Variants in PRRX2 observed in about 807,000 individuals in gnomAD.
The protein encoded by PRRX2 is paired related homeobox 2.
A neutral mutation model predicts 18.0 loss-of-function variants in PRRX2; 11 were observed. That is an observed-to-expected ratio of 0.61 (90% CI 0.39 to 1.01). PRRX2 has a LOEUF of 1.01. Among genes scored for constraint, PRRX2 ranks in the 50% least tolerant of loss-of-function variants. PRRX2 has a pLI of 0.01. For synonymous variants in PRRX2, 177 were observed against 154.8 expected (o/e 1.14, Z -1.06); for missense variants, 387 against 351.0 (o/e 1.10, Z -0.82).
Position 129,707,651 on chromosome 9 carries a change from T to A in PRRX2, c.260-11580T>A, listed in dbSNP as rs534859419. Among the ~76,000 whole-genome samples, 4 of 151,690 alleles carry A rather than the reference T, an allele frequency of 2.6e-5. No homozygotes were observed. In the East Asian group the frequency reaches 7.9e-4, roughly 30 times the overall value. On this transcript the variant is annotated intron_variant, in intron 1 of 3. Transcript: ENST00000372469. ...ACTAAAAATACAAAAATTAACCCGG[T>A]ACGGTGATGTGCGCCTGTAGTCCCA...
In PRRX2 at chr9:129,708,255, C is replaced by G. The variant is rs189044994; in HGVS notation, c.260-10976C>G. ...TTCACCATGTTGGTCAGGCTGGTCT[C>G]GAACTCCTGACCTCAAGCAGTCCAC... is the stretch of plus-strand genomic sequence containing the variant. On this transcript the variant is annotated intron_variant, in intron 1 of 3. Transcript: ENST00000372469. Among the ~76,000 whole-genome samples the G allele has an allele frequency of 8.2e-3, 1,246 of 152,238 alleles. 15 individuals carry two copies. Among genetic ancestry groups the G allele is most frequent in the African/African-American group, 0.029 (1,202 of 41,522 alleles).
At position 129,680,412 on chromosome 9, in the gene PRRX2, AAAAAG is replaced by A. The variant is rs903433289; in HGVS notation, c.259+14302_259+14306del. On this transcript the variant is annotated intron_variant, in intron 1 of 3. Coordinates refer to ENST00000372469, the MANE Select transcript of PRRX2 (RefSeq NM_016307.4). ...CGAGACTCCGTCTCAAAAAAAAAAA[AAAAAG>A]AAAAGAAAAGAAAAGGAAAAATAAC... Among the ~76,000 whole-genome samples, 323 of 134,428 alleles carry A rather than the reference AAAAAG, an allele frequency of 2.4e-3. 1 individual carries two copies. The highest frequency in any genetic ancestry group is 4.5e-3 in the Middle Eastern group (1 of 220). 88.2% of individuals were successfully genotyped at this position (134,428 alleles called of 152,430 possible). A position where few individuals can be genotyped will look rare whatever the true frequency, so the allele number is the denominator to read the frequency against.
chr9:129,666,437 A>G (rs867199004), intron 1 of PRRX2, among the ~76,000 whole-genome samples: 89 of 152,264 alleles, frequency 5.8e-4, no homozygotes, highest in African/African-American at 2.1e-3. Flanking sequence ...CTGGGGAAAC[A>G]GAGACCTGAG....
rs549341778 is a variant in PRRX2, at chr9:129,680,245, T to C, written c.259+14119T>C. Among the ~76,000 whole-genome samples the C allele has an allele frequency of 4.0e-5, 6 of 151,520 alleles. No individual in the cohort carries two copies. The East Asian group carries it at 1.2e-3, about 30-fold the overall frequency. On this transcript the variant is annotated intron_variant, in intron 1 of 3. Coordinates refer to ENST00000372469, the MANE Select transcript of PRRX2 (RefSeq NM_016307.4). ...GGTGAAGCCCCATCTCTACTAAAAA[T>C]ACGAAGTTAGCTGGGCGTGGTGGCG...
chr9:129,685,338 A>G (rs1021176258), intron 1 of PRRX2, among the ~76,000 whole-genome samples: 8 of 152,192 alleles, frequency 5.3e-5, no homozygotes, highest in Non-Finnish European at 7.4e-5. Context: ...GGCAGTCCAC[A>G]TTTCACTCAC....
chr9:129,712,935 GC>G (rs1280083563), intron 1 of PRRX2: 2 of 152,222 alleles, frequency 1.3e-5, no homozygotes, highest in African/African-American at 4.8e-5. Flanking sequence ...TTTCCTAAAT[GC>G]TTTAAGCCCA....
chr9:129,718,703 T>A (rs1369219097), intron 1 of PRRX2: 1 of 152,404 alleles, frequency 6.6e-6, no homozygotes, highest in East Asian at 1.9e-4. Flanking sequence ...TCTTTAGGGC[T>A]CCTGGGAGCT....
chr9:129,679,273 G>A (rs573219819), intron 1 of PRRX2, among the ~76,000 whole-genome samples: 2 of 152,330 alleles, frequency 1.3e-5, no homozygotes, highest in East Asian at 3.9e-4. Flanking sequence ...CTTGAATCCT[G>A]TATTCCACAA....
intron 1 of PRRX2, among the ~76,000 whole-genome samples, chr9:129,713,426 TGACGTGAGGC>T (rs1832657082): frequency 6.6e-6 from 1 of 151,956 alleles, no homozygotes; most frequent in Non-Finnish European, 1.5e-5. Flanking sequence ...GACGAAGAGG[TGACGTGAGGC>T]TGGAGGCCTC....
chr9:129,683,868 C>G (rs1832263674), intron 1 of PRRX2, among the ~76,000 whole-genome samples: 1 of 152,204 alleles, frequency 6.6e-6, no homozygotes, highest in Admixed American at 6.5e-5. Flanking sequence ...CAGCCAGCAC[C>G]TGCAGAGGTA....
chr9:129,683,399 C>T (rs1832258102), intron 1 of PRRX2, among the ~76,000 whole-genome samples: 2 of 152,222 alleles, frequency 1.3e-5, no homozygotes, highest in Admixed American at 1.3e-4. Context: ...TGGGCACACA[C>T]CCACCTGCCA....
chr9:129,699,508 T>C (rs1832469704), intron 1 of PRRX2, among the ~76,000 whole-genome samples: 1 of 151,724 alleles, frequency 6.6e-6, no homozygotes, highest in South Asian at 2.1e-4. Context: ...TTTCTGCAGA[T>C]AGGAGGGTCC....
At chr9:129,667,667 C>T (rs560433567) in intron 1 of PRRX2, among the ~76,000 whole-genome samples, 3 of 152,142 alleles carry the variant, frequency 2.0e-5, no homozygotes, top group South Asian at 4.1e-4. Flanking sequence ...GGCCAGGGGA[C>T]GGCCTGCCCA....
At chr9:129,714,154 A>G (rs1189545668) in intron 1 of PRRX2, among the ~76,000 whole-genome samples, 1 of 151,520 alleles carries the variant, frequency 6.6e-6, no homozygotes, top group Non-Finnish European at 1.5e-5. Context: ...AATACAAAAA[A>G]AATTAGCCAG....
chr9:129,678,605 C>G (rs1416833465), intron 1 of PRRX2, among the ~76,000 whole-genome samples: 1 of 152,150 alleles, frequency 6.6e-6, no homozygotes, highest in Non-Finnish European at 1.5e-5. Context: ...GAGGAAACAG[C>G]AGACGGAAAG....
intron 1 of PRRX2, among the ~76,000 whole-genome samples, chr9:129,693,656 CT>C (rs1588168084): frequency 6.6e-6 from 1 of 151,238 alleles, no homozygotes; most frequent in East Asian, 1.9e-4. Context: ...GCCATCATTA[CT>C]GGTTAATACA....
intron 3 of PRRX2, 118 bp downstream of exon 3, chr9:129,720,892 T>A: frequency 8.5e-7 from 1 of 1,179,458 alleles, no homozygotes; most frequent in Non-Finnish European, 1.1e-6. Flanking sequence ...CACGCGCCCC[T>A]GGGATCTGGG....
intron 1 of PRRX2, among the ~76,000 whole-genome samples, chr9:129,708,093 G>A (rs1832579026): frequency 6.6e-6 from 1 of 152,124 alleles, no homozygotes; most frequent in African/African-American, 2.4e-5. Context: ...CTAGAGTGCA[G>A]TGCGTGATCT....
At chr9:129,707,145 A>G (rs1236554562) in intron 1 of PRRX2, among the ~76,000 whole-genome samples, 2 of 152,130 alleles carry the variant, frequency 1.3e-5, no homozygotes, top group African/African-American at 2.4e-5. Context: ...AATCTCAGCT[A>G]CTTGGGAAGC....
Sources: gnomAD v4.1 joint callset for allele counts (sites outside exome capture counted in the v4.1 genomes callset) on GRCh38, gnomAD v4.1.1 for gene constraint, MANE v1.5 for transcripts, NCBI Gene and HGNC (gene_info 2026-07-23, HGNC 2026-07-21) for gene names.